YOD1: variants seen among roughly 807,000 people sequenced by gnomAD.
The protein encoded by YOD1 is YOD1 deubiquitinase.
YOD1 carries 17 observed loss-of-function variants against 23.7 expected under a neutral mutation model. That is an observed-to-expected ratio of 0.72 (90% CI 0.49 to 1.07). The LOEUF (loss-of-function observed/expected upper bound fraction) is 1.07. YOD1 is among the 50% of genes least tolerant of loss of function. The pLI, the probability that YOD1 is intolerant of heterozygous loss-of-function variation, is 0.00. For synonymous variants in YOD1, 191 were observed against 169.6 expected (o/e 1.13, Z -0.98); for missense variants, 413 against 447.2 (o/e 0.92, Z 0.69).
Position 207,049,126 on chromosome 1 carries a change from T to C in YOD1, c.941A>G (p.Asn314Ser), listed in dbSNP as rs139358134. The C allele has an allele frequency of 1.1e-3, 1,761 of 1,614,016 alleles. 10 individuals carry two copies. In the Middle Eastern group the frequency reaches 0.018, roughly 16 times the overall value. ...ARRRRQFTDV[N>S]RFTLRCMVCQ... ...TACCATGCATCTCAGGGTGAAGCGG[T>C]TGACATCAGTAAACTGTCTCCTTCT... The change falls in exon 2 of 2, where the codon AAC (asparagine) becomes AGC (serine). Residue 314 changes from asparagine to serine, a missense_variant. Coordinates refer to ENST00000315927, the MANE Select transcript of YOD1 (RefSeq NM_018566.4).
At chr1:207,052,572 T>G (rs1188764977), upstream of YOD1, among the ~76,000 whole-genome samples, 6 of 152,274 alleles carry the variant, frequency 3.9e-5, no homozygotes, top group East Asian at 1.2e-3. Flanking sequence ...GAGAATCGCT[T>G]GAACACGGGA....
intron 1 of YOD1, 23 bp from the exon 2 acceptor site, chr1:207,049,746 C>T (rs761162694): frequency 2.5e-6 from 4 of 1,582,596 alleles, no homozygotes; most frequent in African/African-American, 1.4e-5. Flanking sequence ...AAACAAATCC[C>T]GATCTGCAAA....
rs1331134141 is a variant in YOD1 at position 207,046,210 on chromosome 1, A to G, written c.*2810T>C. The G allele has an allele frequency of 1.3e-5, 2 of 152,022 alleles. No homozygotes were observed. The highest frequency in any genetic ancestry group is 2.9e-5 in the Non-Finnish European group (2 of 67,906). 9.4% of individuals were successfully genotyped at this position (152,022 alleles called of 1,614,324 possible). On this transcript the variant is annotated 3_prime_UTR_variant, in exon 2 of 2. Coordinates refer to ENST00000315927, the MANE Select transcript of YOD1 (RefSeq NM_018566.4). ...TTTTAATTTTTAAAAAAATTCCTCT[A>G]TGGCAGGCAAAAACTCAATGAATAG...
At chr1:207,053,049 G>A (rs1682799843), upstream of YOD1, 2 of 152,220 alleles carry the variant, frequency 1.3e-5, no homozygotes, top group African/African-American at 4.8e-5. Context: ...TAGTTACCAA[G>A]CAACAGTGCC....
chr1:207,049,776 A>G, intron 1 of YOD1, 53 bp from the exon 2 acceptor site: 2 of 1,503,532 alleles, frequency 1.3e-6, no homozygotes, highest in Non-Finnish European at 1.8e-6. Context: ...GAAGAAACCG[A>G]GTGTTCTCTA....
At chr1:207,049,792 G>A in intron 1 of YOD1, 69 bp from the exon 2 acceptor site, 1 of 1,423,062 alleles carries the variant, frequency 7.0e-7, no homozygotes, top group Non-Finnish European at 9.5e-7. Flanking sequence ...CTCTAGCCAA[G>A]TCTGTAAATT....
chr1:207,050,675 C>T lies in YOD1; in HGVS notation c.343+13G>A, dbSNP rs760096036. 4.3e-5 allele frequency: 70 copies of T among 1,612,778 alleles called. 1 individual carries two copies. In the South Asian group the frequency reaches 7.5e-4, roughly 17 times the overall value. On this transcript the variant is annotated intron_variant, in intron 1 of 1. Transcript: ENST00000315927. The stretch of plus-strand genomic sequence containing the variant: ...TCCCGGGACTTTCCCTGGCCCCAGC[C>T]CTGATTCCTTACCAGATTGGATGGG...
rs763559031 is a variant in YOD1 at position 207,050,919 on chromosome 1, G to C, written c.112C>G (p.Pro38Ala). ...ATCGTGTCGGTCCGGCTGCCCACAG[G>C]CCAGGCACCCGCGGGGCCAGCTTTG... ...GTKAGPAGAWPVGSRTDTMWR... is the reference protein window; with the variant it reads ...GTKAGPAGAWAVGSRTDTMWR... The change falls in exon 1 of 2, where the codon CCT (proline) becomes GCT (alanine). Residue 38 changes from proline to alanine, a missense_variant. By Grantham distance (27) the Pro-to-Ala change is conservative (BLOSUM62 -1). Transcript: ENST00000315927. 6.3e-7 allele frequency: 1 copy of C among 1,597,786 alleles called. No homozygotes were observed. The highest frequency in any genetic ancestry group is 8.5e-7 in the Non-Finnish European group (1 of 1,172,198).
upstream of YOD1, among the ~76,000 whole-genome samples, chr1:207,052,688 A>G (rs1682787291): frequency 6.6e-6 from 1 of 152,076 alleles, no homozygotes; most frequent in Non-Finnish European, 1.5e-5. Flanking sequence ...AAACAAAAAA[A>G]ACTCCAATGG....
Position 207,048,730 on chromosome 1 carries a change from T to C in YOD1, c.*290A>G. 5.8e-6 allele frequency: 2 copies of C among 342,618 alleles called. No homozygotes were observed. The highest frequency in any genetic ancestry group is 1.1e-5 in the Non-Finnish European group (2 of 185,594). 21.2% of individuals were successfully genotyped at this position (342,618 alleles called of 1,614,324 possible). ...AAAGCTGCTGGGTGCTAGTTTATAA[T>C]ACTCAATCTCAACCTTCAGGTCAGT... On this transcript the variant is annotated 3_prime_UTR_variant, in exon 2 of 2. Transcript: ENST00000315927.
chr1:207,044,892 C>G lies in YOD1; in HGVS notation c.*4128G>C, dbSNP rs1013864219. Reference sequence around the variant, plus strand: ...ATGAATCAAGACCTAAATCAGCACCCTACAATTCAACATCAATAATAATTT... The same window carrying G: ...ATGAATCAAGACCTAAATCAGCACCGTACAATTCAACATCAATAATAATTT... On this transcript the variant is annotated 3_prime_UTR_variant, in exon 2 of 2. Transcript: ENST00000315927. The G allele has an allele frequency of 2.0e-5, 3 of 152,404 alleles. No homozygotes were observed. The highest frequency in any genetic ancestry group is 2.9e-5 in the Non-Finnish European group (2 of 67,922). The allele number at this position is 152,404 out of a possible 1,614,324, so 9.4% of individuals were successfully genotyped here.
chr1:207,049,766 G>C lies in YOD1; in HGVS notation c.344-43C>G. The stretch of plus-strand genomic sequence containing the variant: ...AATCCCGATCTGCAAAGAAATTACA[G>C]AAGAAACCGAGTGTTCTCTAGCCAA... On this transcript the variant is annotated intron_variant, in intron 1 of 1. Transcript: ENST00000315927. 4 of 1,545,344 alleles carry C rather than the reference G, an allele frequency of 2.6e-6. No individual in the cohort carries two copies. The South Asian group carries it at 4.9e-5, about 19-fold the overall frequency.
chr1:207,049,448 G>C lies in YOD1; in HGVS notation c.619C>G (p.Gln207Glu). ...YSEAILGKTN[Q>E]EYCDWIKRDD... is the part of the protein sequence containing the mutation. ...CTTTTGATCCAGTCACAGTACTCTT[G>C]ATTTGTTTTTCCCAGTATTGCCTCA... Residue 207 changes from glutamine (Q) to glutamate (E), a missense_variant, in exon 2 of 2, where the codon CAA becomes GAA. Coordinates refer to ENST00000315927, the MANE Select transcript of YOD1 (RefSeq NM_018566.4). 1 of 1,614,130 alleles carries C rather than the reference G, an allele frequency of 6.2e-7. No homozygotes were observed. Among genetic ancestry groups the C allele is most frequent in the Non-Finnish European group, 8.5e-7 (1 of 1,180,014 alleles).
Position 207,046,937 on chromosome 1 carries a change from G to A in YOD1, c.*2083C>T, listed in dbSNP as rs12123107. On this transcript the variant is annotated 3_prime_UTR_variant, in exon 2 of 2. Coordinates refer to ENST00000315927, the MANE Select transcript of YOD1 (RefSeq NM_018566.4). Reference sequence around the variant, plus strand: ...AGATCTAAAGCTGTAGTAAGCAAATGTCAACTCTGTGTCCTGAAGTAGCAA... The same window carrying A: ...AGATCTAAAGCTGTAGTAAGCAAATATCAACTCTGTGTCCTGAAGTAGCAA... 0.35 allele frequency: 52,415 copies of A among 151,858 alleles called. 9,673 individuals carry two copies. The highest frequency in any genetic ancestry group is 0.48 in the Middle Eastern group (140 of 294). 9.4% of individuals were successfully genotyped at this position (151,858 alleles called of 1,614,324 possible).
chr1:207,050,659 T>C (rs760796860), intron 1 of YOD1, 29 bp downstream of exon 1: 4 of 1,609,752 alleles, frequency 2.5e-6, no homozygotes, highest in African/African-American at 2.7e-5. Context: ...CTCCCGGGAC[T>C]TTCCCTGGCC....
chr1:207,052,346 G>A, upstream of YOD1: 1 of 912,132 alleles, frequency 1.1e-6, no homozygotes, highest in Non-Finnish European at 1.7e-6. Context: ...GTAGGTAGGA[G>A]GGAAGGTAGG....
rs1682617976 is a variant in YOD1, at chr1:207,047,110, A to G, written c.*1910T>C. ...ACAAAACCAAAACCATCCAGATCAG[A>G]TGAGAGTCAGGTGTGGAGAGATTTT... On this transcript the variant is annotated 3_prime_UTR_variant, in exon 2 of 2. Coordinates refer to ENST00000315927, the MANE Select transcript of YOD1 (RefSeq NM_018566.4). The G allele has an allele frequency of 2.0e-5, 3 of 152,686 alleles. No individual in the cohort carries two copies. In the South Asian group the frequency reaches 6.2e-4, roughly 32 times the overall value. The allele number at this position is 152,686 out of a possible 1,614,324, so 9.5% of individuals were successfully genotyped here. A position where few individuals can be genotyped will look rare whatever the true frequency, so the allele number is the denominator to read the frequency against.
At chr1:207,050,287 CAA>C (rs1682705474) in intron 1 of YOD1, among the ~76,000 whole-genome samples, 1 of 150,914 alleles carries the variant, frequency 6.6e-6, no homozygotes, top group South Asian at 2.1e-4. Flanking sequence ...AAGGGGACTG[CAA>C]AAATGAATCA....
At position 207,049,273 on chromosome 1, in the gene YOD1, C is replaced by T. The variant is rs1240163988; in HGVS notation, c.794G>A (p.Gly265Asp). 8 of 1,613,926 alleles carry T rather than the reference C, an allele frequency of 5.0e-6. No individual in the cohort carries two copies. The Admixed American group carries it at 1.3e-4, about 27-fold the overall frequency. The change falls in exon 2 of 2, where the codon GGC (glycine) becomes GAC (aspartate). Residue 265 changes from glycine to aspartate, a missense_variant. By Grantham distance (94) the Gly-to-Asp change is moderately conservative. Transcript: ENST00000315927. ...YTKRVLLIYD[G>D]IHYDPLQRNF... ...ACGCTGAAGTGGATCATAGTGGATG[C>T]CATCATAAATAAGCAGAACCCTTTT...
Sources: allele counts gnomAD v4.1 joint callset (sites outside exome capture counted in the v4.1 genomes callset), GRCh38; gene constraint gnomAD v4.1.1; transcripts MANE v1.5; gene names NCBI Gene and HGNC (gene_info 2026-07-23, HGNC 2026-07-21).